GPR149: variants seen among roughly 807,000 people sequenced by gnomAD.
GPR149 encodes the protein probable G protein-coupled receptor 149.
GPR149 carries 50 observed loss-of-function variants against 50.2 expected under a neutral mutation model. The observed-to-expected ratio is 1.00, with a 90% CI of 0.79 to 1.26. The LOEUF is 1.26. GPR149 is among the 50% of genes most tolerant of loss of function. The pLI is 0.00. For synonymous variants in GPR149, 405 were observed against 358.2 expected (o/e 1.13, Z -1.48); for missense variants, 983 against 895.4 (o/e 1.10, Z -1.25).
At chr3:154,417,299 T>C (rs1310130833) in intron 3 of GPR149, among the ~76,000 whole-genome samples, 1 of 151,992 alleles carries the variant, frequency 6.6e-6, no homozygotes, top group Non-Finnish European at 1.5e-5. Context: ...TGAATTTCAG[T>C]CTTATGAATA....
chr3:154,372,256 A>G (rs1035092804), intron 3 of GPR149, among the ~76,000 whole-genome samples: 3 of 152,102 alleles, frequency 2.0e-5, no homozygotes, highest in Non-Finnish European at 4.4e-5. Flanking sequence ...AATATTGAAG[A>G]TATATGCTTA....
At chr3:154,353,929 T>C (rs949530579) in intron 3 of GPR149, 1 of 518,856 alleles carries the variant, frequency 1.9e-6, no homozygotes, top group African/African-American at 1.9e-5. Context: ...AAGCTCTTTC[T>C]TTCTGTTCAC....
chr3:154,360,298 T>C lies in GPR149; in HGVS notation c.1624-22027A>G, dbSNP rs78415686. ...AAGGTTTTATTTATCATTTTCACCATGGTAACATTTTTACTGAAGGTACTA... is the reference window on the plus strand; with the variant it reads ...AAGGTTTTATTTATCATTTTCACCACGGTAACATTTTTACTGAAGGTACTA... On this transcript the variant is annotated intron_variant, in intron 3 of 3. Coordinates refer to ENST00000389740, the MANE Select transcript of GPR149 (RefSeq NM_001038705.3). 7.3e-3 allele frequency among the ~76,000 whole-genome samples: 1,113 copies of C among 152,338 alleles called. 12 individuals are homozygous for C. Among genetic ancestry groups the C allele is most frequent in the African/African-American group, 0.026 (1,073 of 41,576 alleles).
At chr3:154,362,049 C>G (rs961121889) in intron 3 of GPR149, among the ~76,000 whole-genome samples, 1 of 151,920 alleles carries the variant, frequency 6.6e-6, no homozygotes, top group South Asian at 2.1e-4. Flanking sequence ...CTTAGAATAT[C>G]CTAAAAAAGA....
At chr3:154,372,781 G>A (rs1184805753) in intron 3 of GPR149, among the ~76,000 whole-genome samples, 1 of 152,184 alleles carries the variant, frequency 6.6e-6, no homozygotes, top group Non-Finnish European at 1.5e-5. Context: ...GCTTTGATGT[G>A]AGTTGCGGCA....
chr3:154,352,719 A>G (rs1576901427), intron 3 of GPR149: 1 of 784,982 alleles, frequency 1.3e-6, no homozygotes. Flanking sequence ...AATCAACAGC[A>G]GCATAAGAAA....
At chr3:154,417,058 A>C (rs1267979118) in intron 3 of GPR149, among the ~76,000 whole-genome samples, 1 of 151,976 alleles carries the variant, frequency 6.6e-6, no homozygotes, top group Non-Finnish European at 1.5e-5. Flanking sequence ...AAGCCAGCCA[A>C]TTATTTTATA....
rs1205183613 is a variant in GPR149 at position 154,336,103 on chromosome 3, T to C, written c.*1596A>G. Reference sequence around the variant, plus strand: ...TATTTGTAACGAGAATACATTTGACTTTGAATTTATATGTTACACATTATT... The same window carrying C: ...TATTTGTAACGAGAATACATTTGACCTTGAATTTATATGTTACACATTATT... On this transcript the variant is annotated 3_prime_UTR_variant, in exon 4 of 4. Coordinates refer to ENST00000389740, the MANE Select transcript of GPR149 (RefSeq NM_001038705.3). 1 of 152,104 alleles carries C rather than the reference T, an allele frequency of 6.6e-6. No homozygotes were observed. The highest frequency in any genetic ancestry group is 1.5e-5 in the Non-Finnish European group (1 of 67,948). The allele number at this position is 152,104 out of a possible 1,614,324, so 9.4% of individuals were successfully genotyped here.
At chr3:154,357,738 C>T (rs1485216950) in intron 3 of GPR149, among the ~76,000 whole-genome samples, 3 of 152,200 alleles carry the variant, frequency 2.0e-5, no homozygotes, top group African/African-American at 7.2e-5. Context: ...GTGGCAATGG[C>T]TCAGGCATCT....
intron 3 of GPR149, among the ~76,000 whole-genome samples, chr3:154,395,419 A>C (rs1576920398): frequency 6.9e-6 from 1 of 144,210 alleles, no homozygotes; most frequent in Non-Finnish European, 1.5e-5. Context: ...GATTCTAAAA[A>C]CACAATATAT....
Position 154,421,104 on chromosome 3 carries a change from T to A in GPR149, c.1558A>T (p.Ser520Cys), listed in dbSNP as rs760055227. The A allele has an allele frequency of 8.1e-6, 13 of 1,613,140 alleles. No individual in the cohort carries two copies. The African/African-American group carries it at 9.3e-5, about 12-fold the overall frequency. The change falls in exon 3 of 4, where the codon AGT becomes TGT. Residue 520 changes from serine to cysteine, a missense_variant. Coordinates refer to ENST00000389740, the MANE Select transcript of GPR149 (RefSeq NM_001038705.3). ...GPERRLSHEE[S>C]QKPDLSDWEW... ...CAGTCTGAAAGATCTGGTTTCTGAC[T>A]CTCTTCATGAGACAGTCTTCTTTCT...
chr3:154,394,329 C>A (rs926793566), intron 3 of GPR149, among the ~76,000 whole-genome samples: 1 of 151,968 alleles, frequency 6.6e-6, no homozygotes, highest in African/African-American at 2.4e-5. Context: ...ATCATATTCT[C>A]AATAATTGGT....
intron 3 of GPR149, among the ~76,000 whole-genome samples, chr3:154,416,953 G>A (rs1408326720): frequency 6.6e-6 from 1 of 151,758 alleles, no homozygotes; most frequent in African/African-American, 2.4e-5. Flanking sequence ...GTGAGTTTCT[G>A]GAACTCTAAA....
intron 3 of GPR149, among the ~76,000 whole-genome samples, chr3:154,419,762 C>G (rs1712085460): frequency 6.6e-6 from 1 of 151,970 alleles, no homozygotes. Flanking sequence ...AAGTGCAACA[C>G]TAAGAGGTTT....
chr3:154,378,078 T>A (rs1714832661), intron 3 of GPR149, among the ~76,000 whole-genome samples: 2 of 72,870 alleles, frequency 2.7e-5, no homozygotes, highest in South Asian at 4.3e-4. Context: ...TATTGATATA[T>A]CCCCCCCCCC....
At chr3:154,365,857 C>T (rs1369371534) in intron 3 of GPR149, among the ~76,000 whole-genome samples, 1 of 152,150 alleles carries the variant, frequency 6.6e-6, no homozygotes, top group African/African-American at 2.4e-5. Flanking sequence ...CTGTTCATGA[C>T]CACTTAGATA....
intron 3 of GPR149, among the ~76,000 whole-genome samples, chr3:154,382,394 A>G (rs1714946350): frequency 6.6e-6 from 1 of 152,180 alleles, no homozygotes; most frequent in African/African-American, 2.4e-5. Flanking sequence ...GTGTGGGGAA[A>G]CACTCAGAAA....
In GPR149 at chr3:154,421,448, T is replaced by C. The variant is rs1362993461; in HGVS notation, c.1214A>G (p.Lys405Arg). The C allele has an allele frequency of 1.3e-5, 21 of 1,595,798 alleles. No homozygotes were observed. The highest frequency in any genetic ancestry group is 1.8e-5 in the Non-Finnish European group (21 of 1,172,148). Residue 405 changes from lysine to arginine, a missense_variant, in exon 3 of 4, where the codon AAA (lysine) becomes AGA (arginine). Coordinates refer to ENST00000389740, the MANE Select transcript of GPR149 (RefSeq NM_001038705.3). ...KGFEFNLSFQ[K>R]SYGIYKIAHE... Reference sequence around the variant, plus strand: ...TGCTATTTTATAAATCCCATAACTTTTTTGGAATGATAGATTGAATTCAAA... The same window carrying C: ...TGCTATTTTATAAATCCCATAACTTCTTTGGAATGATAGATTGAATTCAAA...
intron 3 of GPR149, among the ~76,000 whole-genome samples, chr3:154,355,555 T>C (rs184197763): frequency 6.6e-6 from 1 of 152,338 alleles, no homozygotes; most frequent in Admixed American, 6.5e-5. Context: ...AAATCAGATA[T>C]GATATGTATC....
Sources: gnomAD v4.1 joint callset for allele counts (sites outside exome capture counted in the v4.1 genomes callset) on GRCh38, gnomAD v4.1.1 for gene constraint, MANE v1.5 for transcripts, NCBI Gene and HGNC (gene_info 2026-07-23, HGNC 2026-07-21) for gene names.